KIF16B: variants seen among roughly 807,000 people sequenced by gnomAD.
The protein encoded by KIF16B is kinesin family member 16B, also known as kinesin-like protein KIF16B.
KIF16B carries 98 observed loss-of-function variants against 156.3 expected under a neutral mutation model. That is an observed-to-expected ratio of 0.63 (90% confidence interval 0.53 to 0.74). The LOEUF is 0.74. Among genes scored for constraint, KIF16B ranks in the 30% least tolerant of loss-of-function variants. The pLI, the probability that KIF16B is intolerant of heterozygous loss-of-function variation, is 0.00. For synonymous variants in KIF16B, 564 were observed against 583.7 expected, an observed-to-expected ratio of 0.97 and a Z score of 0.49; for missense variants, 1,421 against 1,606.5, an observed-to-expected ratio of 0.88 and a Z score of 1.97.
intron 12 of KIF16B, among the ~76,000 whole-genome samples, chr20:16,459,611 C>T (rs2067293969): frequency 6.6e-6 from 1 of 152,178 alleles, no homozygotes; most frequent in Admixed American, 6.5e-5. Context: ...TTTCATCCTC[C>T]ACCAAGGAGT....
intron 1 of KIF16B, among the ~76,000 whole-genome samples, chr20:16,544,110 G>A (rs531323122): frequency 6.6e-6 from 1 of 152,246 alleles, no homozygotes; most frequent in South Asian, 2.1e-4. Context: ...ATCAGGCACT[G>A]GACAGGAGAA....
At chr20:16,358,004 A>G (rs767224350) in intron 22 of KIF16B, among the ~76,000 whole-genome samples, 11 of 152,154 alleles carry the variant, frequency 7.2e-5, no homozygotes, top group Non-Finnish European at 1.5e-4. Context: ...CCTGGCTAAC[A>G]TGGTGCAGGC....
chr20:16,468,429 A>G (rs2146731880), intron 12 of KIF16B, among the ~76,000 whole-genome samples: 1 of 152,038 alleles, frequency 6.6e-6, no homozygotes, highest in South Asian at 2.1e-4. Flanking sequence ...CAAAAAAATT[A>G]GCCGGGCATG....
rs2063293542 is a variant in KIF16B at position 16,290,210 on chromosome 20, G to A, written c.3796-16799C>T. 2.0e-5 allele frequency among the ~76,000 whole-genome samples: 3 copies of A among 152,178 alleles called. No individual in the cohort carries two copies. In the South Asian group the frequency reaches 6.2e-4, roughly 32 times the overall value. The stretch of plus-strand genomic sequence containing the variant: ...GGTACCTCTTGGCTATAATGTACTT[G>A]AATTCAAATTCAAAGAATCAGGACC... On this transcript the variant is annotated intron_variant, in intron 25 of 25. Coordinates refer to ENST00000354981, the MANE Select transcript of KIF16B (RefSeq NM_024704.5).
rs1016506397 is a variant in KIF16B at position 16,455,244 on chromosome 20, C to T, written c.1303-25262G>A. Among the ~76,000 whole-genome samples the T allele has an allele frequency of 2.6e-5, 4 of 151,872 alleles. No individual in the cohort carries two copies. In the South Asian group the frequency reaches 6.2e-4, roughly 24 times the overall value. On this transcript the variant is annotated intron_variant, in intron 12 of 25. Transcript: ENST00000354981. ...CAAAAACAAGAGAGACAGGGTCTTG[C>T]TATGTTGCTCAGGCTGGTCTTAAAC... is the stretch of plus-strand genomic sequence containing the variant.
At chr20:16,287,162 T>C (rs1048460237) in intron 25 of KIF16B, among the ~76,000 whole-genome samples, 12 of 152,188 alleles carry the variant, frequency 7.9e-5, no homozygotes, top group Admixed American at 2.0e-4. Flanking sequence ...AGGTAAAATA[T>C]GAGGGAATAA....
intron 19 of KIF16B, among the ~76,000 whole-genome samples, chr20:16,376,099 C>T (rs908436653): frequency 6.6e-5 from 10 of 152,302 alleles, no homozygotes; most frequent in Middle Eastern, 3.4e-3. Context: ...ACAATGCACA[C>T]ACAGCATTTA....
intron 12 of KIF16B, among the ~76,000 whole-genome samples, chr20:16,482,794 G>T (rs2146849998): frequency 6.6e-6 from 1 of 152,134 alleles, no homozygotes; most frequent in East Asian, 1.9e-4. Flanking sequence ...TGACACTATA[G>T]TAAGTGTCCA....
chr20:16,413,834 C>A (rs1020403199), intron 15 of KIF16B, among the ~76,000 whole-genome samples: 1 of 151,732 alleles, frequency 6.6e-6, no homozygotes, highest in Non-Finnish European at 1.5e-5. Flanking sequence ...GTGGAGAAAC[C>A]AAACTCTGTC....
intron 23 of KIF16B, among the ~76,000 whole-genome samples, chr20:16,341,076 C>T (rs967468418): frequency 1.6e-4 from 24 of 152,106 alleles, no homozygotes; most frequent in African/African-American, 5.8e-4. Context: ...GTGTGTGGAG[C>T]TGGGAGGAGA....
intron 1 of KIF16B, among the ~76,000 whole-genome samples, chr20:16,550,688 C>T (rs1169258581): frequency 1.3e-5 from 2 of 151,726 alleles, no homozygotes; most frequent in African/African-American, 2.4e-5. Context: ...TACATGCCAC[C>T]ATGTCCAGCT....
At chr20:16,362,843 G>T (rs1472134183) in intron 22 of KIF16B, among the ~76,000 whole-genome samples, 1 of 152,208 alleles carries the variant, frequency 6.6e-6, no homozygotes, top group East Asian at 1.9e-4. Flanking sequence ...GACTGGGATT[G>T]CTGTCACCCC....
At chr20:16,350,510 C>T (rs888112078) in intron 23 of KIF16B, among the ~76,000 whole-genome samples, 4 of 151,700 alleles carry the variant, frequency 2.6e-5, no homozygotes, top group African/African-American at 7.3e-5. Context: ...TATACTGGAG[C>T]GCTGGAGGGT....
chr20:16,346,545 T>C (rs2064238177), intron 23 of KIF16B, among the ~76,000 whole-genome samples: 1 of 152,208 alleles, frequency 6.6e-6, no homozygotes, highest in African/African-American at 2.4e-5. Flanking sequence ...AGCTATGAAG[T>C]GCTACTAAGT....
At chr20:16,329,846 C>G (rs1223460206) in intron 24 of KIF16B, among the ~76,000 whole-genome samples, 11 of 152,044 alleles carry the variant, frequency 7.2e-5, no homozygotes, top group Admixed American at 6.5e-4. Flanking sequence ...TTTAAAAAAC[C>G]CTGAGTAATG....
At chr20:16,486,160 G>A (rs189723555) in intron 12 of KIF16B, among the ~76,000 whole-genome samples, 1 of 152,258 alleles carries the variant, frequency 6.6e-6, no homozygotes, top group African/African-American at 2.4e-5. Flanking sequence ...AAGTCTTCTA[G>A]CACTTCTAGA....
chr20:16,353,586 G>T (rs756381743), intron 23 of KIF16B, among the ~76,000 whole-genome samples: 3 of 152,126 alleles, frequency 2.0e-5, no homozygotes, highest in East Asian at 1.9e-4. Flanking sequence ...ATGAGGGGGG[G>T]GTTTATGATT....
At chr20:16,421,494 C>T (rs1372456524) in intron 15 of KIF16B, among the ~76,000 whole-genome samples, 2 of 152,096 alleles carry the variant, frequency 1.3e-5, no homozygotes, top group African/African-American at 2.4e-5. Context: ...AACACTACAT[C>T]ACATCATTTT....
chr20:16,436,468 G>A (rs1362535190), intron 12 of KIF16B, among the ~76,000 whole-genome samples: 1 of 152,178 alleles, frequency 6.6e-6, no homozygotes, highest in Non-Finnish European at 1.5e-5. Context: ...TTACAAGAGA[G>A]AGTCAGCTCA....
Sources: allele counts gnomAD v4.1 joint callset (sites outside exome capture counted in the v4.1 genomes callset), GRCh38; gene constraint gnomAD v4.1.1; transcripts MANE v1.5; gene names NCBI Gene and HGNC (gene_info 2026-07-23, HGNC 2026-07-21).